The following TMEM164 variants were observed in gnomAD, a reference collection of about 807,000 sequenced individuals.
TMEM164 encodes RP13-360B22.2.
TMEM164 carries 4 observed loss-of-function variants against 18.8 expected under a neutral mutation model. The ratio of observed to expected loss-of-function variants is 0.21; its 90% CI spans 0.10 to 0.49. The LOEUF (loss-of-function observed/expected upper bound fraction) is 0.49, where lower values mean the gene tolerates loss of function less well. TMEM164 is among the 20% of genes least tolerant of loss of function. The pLI is 0.98. For synonymous variants in TMEM164, 86 were observed against 101.7 expected (o/e 0.85, Z 0.93); for missense variants, 108 against 239.9 (o/e 0.45, Z 3.63).
chrX:110,026,594 C>T lies in TMEM164; in HGVS notation c.390+22430C>T, dbSNP rs751984992. 2.7e-5 allele frequency among the ~76,000 whole-genome samples: 3 copies of T among 111,693 alleles called. No homozygotes were observed. In the South Asian group the frequency reaches 1.1e-3, roughly 42 times the overall value. On this transcript the variant is annotated intron_variant, in intron 2 of 6. Coordinates refer to ENST00000372068, the MANE Select transcript of TMEM164 (RefSeq NM_032227.4). ...ATGATAACAGCTCACATTTATTTTG[C>T]CCTTACTTTGTGCCAGGCATTGTCC...
At chrX:110,073,133 G>A (rs2065621030) in intron 3 of TMEM164, among the ~76,000 whole-genome samples, 1 of 111,473 alleles carries the variant, frequency 9.0e-6, no homozygotes, top group Non-Finnish European at 1.9e-5. Context: ...TTGGGCTCAA[G>A]TGATCCTCCT....
chrX:110,041,376 C>CT (rs901573580), intron 2 of TMEM164, among the ~76,000 whole-genome samples: 2 of 111,712 alleles, frequency 1.8e-5, no homozygotes, highest in Non-Finnish European at 3.8e-5. Context: ...CATTCCAGTA[C>CT]TTTTTTTGCA....
intron 2 of TMEM164, among the ~76,000 whole-genome samples, chrX:110,044,963 T>C (rs1935258628): frequency 9.0e-6 from 1 of 111,699 alleles, no homozygotes; most frequent in African/African-American, 3.3e-5. Context: ...TCAAAATAGC[T>C]TGCTTTACTC....
chrX:110,007,342 CTG>C (rs1243469149), intron 2 of TMEM164, among the ~76,000 whole-genome samples: 4 of 112,455 alleles, frequency 3.6e-5, no homozygotes, highest in African/African-American at 1.3e-4. Flanking sequence ...TGACCTAGCA[CTG>C]TCTCACAGCT....
intron 5 of TMEM164, among the ~76,000 whole-genome samples, chrX:110,160,234 AT>A (rs1254931701): frequency 8.9e-6 from 1 of 111,930 alleles, no homozygotes; most frequent in African/African-American, 3.3e-5. Context: ...TCACATCTTT[AT>A]TTTCACTGAC....
intron 4 of TMEM164, among the ~76,000 whole-genome samples, chrX:110,127,848 A>G (rs955331646): frequency 1.8e-5 from 2 of 111,771 alleles, no homozygotes; most frequent in African/African-American, 6.5e-5. Context: ...GCAAGCTGCC[A>G]TTGAAAGAGG....
intron 5 of TMEM164, among the ~76,000 whole-genome samples, chrX:110,161,381 A>G (rs1304699018): frequency 3.6e-5 from 4 of 111,260 alleles, no homozygotes; most frequent in African/African-American, 9.8e-5. Context: ...TATACTGGTC[A>G]GGTAAGGGCA....
intron 2 of TMEM164, among the ~76,000 whole-genome samples, chrX:110,017,505 TCCC>T (rs1933511237): frequency 1.9e-4 from 3 of 15,812 alleles, no homozygotes; most frequent in African/African-American, 1.0e-3. Flanking sequence ...CCTCCCTCCC[TCCC>T]TCCCTCCTTC....
intron 4 of TMEM164, among the ~76,000 whole-genome samples, chrX:110,121,188 G>T (rs1452189893): frequency 8.9e-6 from 1 of 112,308 alleles, no homozygotes; most frequent in Non-Finnish European, 1.9e-5. Context: ...TGTAAAGGGG[G>T]TTTAATTGAC....
chrX:110,097,281 G>A (rs897480171), intron 3 of TMEM164, among the ~76,000 whole-genome samples: 2 of 112,245 alleles, frequency 1.8e-5, no homozygotes, highest in Non-Finnish European at 3.8e-5. Flanking sequence ...CAGATCTTTT[G>A]TTTTTATAAT....
At chrX:110,086,175 A>G (rs1427318344) in intron 3 of TMEM164, among the ~76,000 whole-genome samples, 2 of 112,092 alleles carry the variant, frequency 1.8e-5, no homozygotes, top group Non-Finnish European at 3.8e-5. Flanking sequence ...GGGGAATTTT[A>G]TCTTTTTCTA....
downstream of TMEM164, among the ~76,000 whole-genome samples, chrX:110,180,015 T>C (rs2067317398): frequency 8.9e-6 from 1 of 112,142 alleles, no homozygotes; most frequent in Non-Finnish European, 1.9e-5. Flanking sequence ...AGGGGCCCCA[T>C]CCTGTTTCTC....
At position 110,003,984 on chromosome X, in the gene TMEM164, T is replaced by A. The variant is rs1166042738; in HGVS notation, c.210T>A (p.Gly70=). The A allele has an allele frequency of 1.7e-6, 2 of 1,210,917 alleles. No individual in the cohort carries two copies. The highest frequency in any genetic ancestry group is 2.2e-6 in the Non-Finnish European group (2 of 895,222). The change falls in exon 2 of 7, where the codon GGT becomes GGA. Residue 70 remains glycine, a synonymous_variant. Transcript: ENST00000372068. The part of the protein sequence containing the change: ...ILRQTKEDGR[G]SPGSQPEQVT... The stretch of plus-strand genomic sequence containing the variant: ...GGCAGACGAAGGAGGACGGTAGGGG[T>A]AGCCCTGGCAGCCAGCCAGAGCAGG...
At chrX:110,171,847 C>A (rs868025900) in intron 6 of TMEM164, among the ~76,000 whole-genome samples, 1 of 112,202 alleles carries the variant, frequency 8.9e-6, no homozygotes, top group Middle Eastern at 4.6e-3. Flanking sequence ...GGACCCTAAC[C>A]CTGCCCCTTG....
chrX:110,154,126 C>T (rs2066984326), intron 5 of TMEM164, among the ~76,000 whole-genome samples: 1 of 111,750 alleles, frequency 8.9e-6, no homozygotes, highest in Non-Finnish European at 1.9e-5. Flanking sequence ...ATTAGCAGCA[C>T]TTGGCATGCT....
intron 4 of TMEM164, among the ~76,000 whole-genome samples, chrX:110,124,168 A>AGGCAGGC (rs1569339639): frequency 3.3e-5 from 3 of 92,285 alleles, no homozygotes; most frequent in African/African-American, 1.3e-4. Flanking sequence ...GGAAGGAAGG[A>AGGCAGGC]AGGAAGGAAG....
intron 3 of TMEM164, among the ~76,000 whole-genome samples, chrX:110,090,356 A>G (rs56201541): frequency 0.022 from 2,285 of 105,859 alleles, 68 homozygotes; most frequent in African/African-American, 0.076. Flanking sequence ...CCCAGGCTAG[A>G]GTGTAGTGGC....
At chrX:110,152,259 T>G (rs1468668355) in intron 5 of TMEM164, among the ~76,000 whole-genome samples, 2 of 109,773 alleles carry the variant, frequency 1.8e-5, no homozygotes, top group Non-Finnish European at 3.8e-5. Context: ...TTTCACCATG[T>G]TGGCCAGGAT....
intron 4 of TMEM164, among the ~76,000 whole-genome samples, chrX:110,142,957 G>A (rs896497543): frequency 2.7e-5 from 3 of 112,660 alleles, no homozygotes; most frequent in Non-Finnish European, 5.6e-5. Context: ...CTGAGAGGTT[G>A]GGAGAAGTAC....
Sources: gnomAD v4.1 joint callset for allele counts (sites outside exome capture counted in the v4.1 genomes callset) on GRCh38, gnomAD v4.1.1 for gene constraint, MANE v1.5 for transcripts, NCBI Gene and HGNC (gene_info 2026-07-23, HGNC 2026-07-21) for gene names.